Variants in EFHC1 observed in about 807,000 individuals in gnomAD.
EFHC1 encodes the protein EF-hand domain containing 1.
A neutral mutation model predicts 69.9 loss-of-function variants in EFHC1; 53 were observed. The ratio of observed to expected loss-of-function variants is 0.76; its 90% CI spans 0.61 to 0.95. EFHC1 has a LOEUF of 0.95. Ranked by LOEUF, EFHC1 falls within the 40% of genes least tolerant of loss-of-function variation. The probability of loss-of-function intolerance (pLI) is 0.00; values close to 1 mark genes in which losing one functional copy is unlikely to be tolerated. For missense variants in EFHC1, 739 were observed against 798.7 expected (o/e 0.93, Z 0.90); for synonymous variants, 256 against 278.4 (o/e 0.92, Z 0.80).
In EFHC1 at chr6:52,452,730, A is replaced by G. The variant is rs752862724; in HGVS notation, c.616A>G (p.Lys206Glu). ...AGGAATTGAGTTAAATCCACCAGAG[A>G]AGATGGCTCTTGATCCTTACACTGA... ...SQGIELNPPE[K>E]MALDPYTELR... Residue 206 changes from lysine (K) to glutamate (E), a missense_variant, in exon 4 of 11, where the codon AAG (lysine) becomes GAG (glutamate). Physicochemically the swap from Lys to Glu is moderately conservative, Grantham distance 56 (BLOSUM62 1). Coordinates refer to ENST00000371068, the MANE Select transcript of EFHC1 (RefSeq NM_018100.4). 17 of 1,614,194 alleles carry G rather than the reference A, an allele frequency of 1.1e-5. No individual in the cohort carries two copies. The South Asian group carries it at 1.8e-4, about 17-fold the overall frequency.
rs939945181 is a variant in EFHC1 at position 52,495,594 on chromosome 6, G to T, written c.*3253G>T. On this transcript the variant is annotated 3_prime_UTR_variant, in exon 11 of 11. Coordinates refer to ENST00000371068, the MANE Select transcript of EFHC1 (RefSeq NM_018100.4). ...CTTTTGGCTGTTTTGTTTTGTTTTT[G>T]TGTTTGTTTTTTAGAGACAGGGTCT... 1 of 453,930 alleles carries T rather than the reference G, an allele frequency of 2.2e-6. No individual in the cohort carries two copies. The highest frequency in any genetic ancestry group is 2.0e-5 in the African/African-American group (1 of 50,068). 28.1% of individuals were successfully genotyped at this position (453,930 alleles called of 1,614,324 possible).
chr6:52,489,856 T>G (rs1765859670), intron 9 of EFHC1, among the ~76,000 whole-genome samples: 1 of 152,138 alleles, frequency 6.6e-6, no homozygotes, highest in African/African-American at 2.4e-5. Context: ...AAATTTGGCA[T>G]GGTGGTGGTA....
At chr6:52,490,623 C>T (rs567649213) in intron 10 of EFHC1, 1 of 586,628 alleles carries the variant, frequency 1.7e-6, no homozygotes, top group Non-Finnish European at 3.0e-6. Flanking sequence ...AGAAGGGCAA[C>T]AGAGACGATC....
At chr6:52,446,341 T>C (rs1213134499) in intron 3 of EFHC1, among the ~76,000 whole-genome samples, 2 of 152,208 alleles carry the variant, frequency 1.3e-5, no homozygotes, top group Non-Finnish European at 2.9e-5. Context: ...TTTTGATCTT[T>C]CTTGGTTTAA....
intron 10 of EFHC1, 44 bp from the exon 11 acceptor site, chr6:52,492,226 G>C (rs113192338): frequency 5.1e-6 from 8 of 1,556,350 alleles, no homozygotes; most frequent in Middle Eastern, 1.7e-4. Flanking sequence ...GCTGACGGAA[G>C]CCCTGCAGAT....
At chr6:52,449,119 C>T (rs1764857231) in intron 3 of EFHC1, among the ~76,000 whole-genome samples, 2 of 152,140 alleles carry the variant, frequency 1.3e-5, no homozygotes. Context: ...TGCGGTGGCT[C>T]ACGCCTGTAA....
chr6:52,472,636 TCATACAAGAGATATGTAATATCTTTTA>T lies in EFHC1; in HGVS notation c.1278+3263_1278+3289del, dbSNP rs869212877. Among the ~76,000 whole-genome samples, 875 of 138,796 alleles carry T rather than the reference TCATACAAGAGATATGTAATATCTTTTA, an allele frequency of 6.3e-3. 147 individuals are homozygous for T. The highest frequency in any genetic ancestry group is 9.1e-3 in the African/African-American group (340 of 37,344). 91.1% of individuals were successfully genotyped at this position (138,796 alleles called of 152,430 possible). A position where few individuals can be genotyped will look rare whatever the true frequency, so the allele number is the denominator to read the frequency against. On this transcript the variant is annotated intron_variant, in intron 7 of 10. Coordinates refer to ENST00000371068, the MANE Select transcript of EFHC1 (RefSeq NM_018100.4). ...GTAACACCTAAAAGATGTATCTTTATCATACAAGAGATATGTAATATCTTTTACATACAAGAGATATGTAATATCTTT... is the reference window on the plus strand; with the variant it reads ...GTAACACCTAAAAGATGTATCTTTATCATACAAGAGATATGTAATATCTTT...
chr6:52,437,712 ACT>A (rs1764563874), intron 2 of EFHC1: 1 of 153,228 alleles, frequency 6.5e-6, no homozygotes, highest in African/African-American at 2.4e-5. Context: ...GAGGGAAGTA[ACT>A]CTCTTTCTCT....
chr6:52,482,607 T>A lies in EFHC1; in HGVS notation c.1640+2820T>A, dbSNP rs1765704483. The A allele has an allele frequency of 1.0e-5, 4 of 388,462 alleles. No individual in the cohort carries two copies. The Admixed American group carries it at 1.3e-4, about 13-fold the overall frequency. 24.1% of individuals were successfully genotyped at this position (388,462 alleles called of 1,614,324 possible). A position where few individuals can be genotyped will look rare whatever the true frequency, so the allele number is the denominator to read the frequency against. On this transcript the variant is annotated intron_variant, in intron 9 of 10. Transcript: ENST00000371068. The stretch of plus-strand genomic sequence containing the variant: ...TGAATTGTCATATTCCTGTTTAAGA[T>A]TGGATCAACTTCCAACATTTTATGA...
At chr6:52,430,716 C>G (rs940447876) in intron 2 of EFHC1, among the ~76,000 whole-genome samples, 2 of 152,054 alleles carry the variant, frequency 1.3e-5, no homozygotes, top group African/African-American at 4.8e-5. Flanking sequence ...GGTGATACTG[C>G]CTTCATAGAA....
At position 52,493,583 on chromosome 6, in the gene EFHC1, C is replaced by T; in HGVS notation, c.*1242C>T. The T allele has an allele frequency of 2.2e-6, 1 of 446,350 alleles. No homozygotes were observed. Among genetic ancestry groups the T allele is most frequent in the South Asian group, 1.6e-5 (1 of 63,362 alleles). 27.6% of individuals were successfully genotyped at this position (446,350 alleles called of 1,614,324 possible). On this transcript the variant is annotated 3_prime_UTR_variant, in exon 11 of 11. Coordinates refer to ENST00000371068, the MANE Select transcript of EFHC1 (RefSeq NM_018100.4). The stretch of plus-strand genomic sequence containing the variant: ...GGGAGAATCACTTGAACCCTGGAGG[C>T]AGAGGTTGCAGTGAGCCAAGACCAC...
intron 2 of EFHC1, among the ~76,000 whole-genome samples, chr6:52,435,710 C>G (rs1439937916): frequency 6.6e-6 from 1 of 152,214 alleles, no homozygotes; most frequent in Non-Finnish European, 1.5e-5. Context: ...AGCCTGCATA[C>G]TGCTGCTGGG....
chr6:52,423,761 C>A (rs1245850640), intron 1 of EFHC1, 185 bp from the exon 2 acceptor site: 2 of 1,427,188 alleles, frequency 1.4e-6, no homozygotes, highest in Non-Finnish European at 1.9e-6. Flanking sequence ...CCTCTTCAGC[C>A]TCCCAGAGTT....
chr6:52,458,806 A>G (rs1282508218), intron 5 of EFHC1, among the ~76,000 whole-genome samples: 3 of 152,348 alleles, frequency 2.0e-5, no homozygotes, highest in Non-Finnish European at 4.4e-5. Context: ...ACTTGTATTC[A>G]TGTTTATTGC....
At chr6:52,492,106 C>T (rs1765915991) in intron 10 of EFHC1, among the ~76,000 whole-genome samples, 164 bp from the exon 11 acceptor site, 1 of 152,186 alleles carries the variant, frequency 6.6e-6, no homozygotes, top group African/African-American at 2.4e-5. Flanking sequence ...AATGTCTGTC[C>T]TACCTGCCAG....
chr6:52,473,563 C>T (rs1473197148), intron 7 of EFHC1, among the ~76,000 whole-genome samples: 1 of 152,008 alleles, frequency 6.6e-6, no homozygotes, highest in African/African-American at 2.4e-5. Flanking sequence ...GGCAGACTGC[C>T]CCAGCTCAGG....
intron 2 of EFHC1, among the ~76,000 whole-genome samples, chr6:52,432,387 A>C (rs1764435821): frequency 2.0e-5 from 3 of 152,120 alleles, no homozygotes; most frequent in South Asian, 2.1e-4. Context: ...CAGTTCTTGT[A>C]GTGCTAGCTT....
At position 52,424,143 on chromosome 6, in the gene EFHC1, T is replaced by C; in HGVS notation, c.261T>C (p.Pro87=). 1.2e-6 allele frequency: 2 copies of C among 1,614,070 alleles called. No homozygotes were observed. Among genetic ancestry groups the C allele is most frequent in the Non-Finnish European group, 1.7e-6 (2 of 1,179,932 alleles). ...PKQAPPADFI[P]AHVAFDKKVL... ...AAGCCCCACCTGCGGATTTTATTCC[T>C]GCGCATGTGGCCTTTGACAAAAAGG... The change falls in exon 2 of 11, where the codon CCT becomes CCC. Residue 87 remains proline (P), a synonymous_variant. Transcript: ENST00000371068.
In EFHC1 at chr6:52,454,104, T is replaced by TC; in HGVS notation, c.733_734insC (p.Phe245SerfsTer7). 1 of 1,613,580 alleles carries TC rather than the reference T, an allele frequency of 6.2e-7. No individual in the cohort carries two copies. The highest frequency in any genetic ancestry group is 8.5e-7 in the Non-Finnish European group (1 of 1,179,954). On this transcript the variant is annotated frameshift_variant, in exon 5 of 11. Transcript: ENST00000371068. LOFTEE classifies it high-confidence loss of function. The stretch of plus-strand genomic sequence containing the variant: ...TTTGGATTCTTCAAAGGTCCTTCGA[T>TC]TCTATGCAATCTGGGATGATACAGA...
Sources: gnomAD v4.1 joint callset for allele counts (sites outside exome capture counted in the v4.1 genomes callset) on GRCh38, gnomAD v4.1.1 for gene constraint, MANE v1.5 for transcripts, NCBI Gene and HGNC (gene_info 2026-07-23, HGNC 2026-07-21) for gene names.